Variants in LRMDA observed in about 807,000 individuals in gnomAD.
LRMDA encodes leucine-rich melanocyte differentiation-associated protein.
Under a neutral mutation model 29.8 loss-of-function variants are expected in LRMDA, and 18 were observed. The observed-to-expected ratio is 0.60, with a 90% CI of 0.42 to 0.90. The LOEUF (loss-of-function observed/expected upper bound fraction) is 0.90. LRMDA is among the 40% of genes least tolerant of loss of function. LRMDA has a pLI of 0.00. For synonymous variants in LRMDA, 125 were observed against 109.4 expected (o/e 1.14, Z -0.89); for missense variants, 273 against 273.9 (o/e 1.00, Z 0.02).
At chr10:76,396,437 C>T (rs370928130) in intron 6 of LRMDA, 2 of 152,222 alleles carry the variant, frequency 1.3e-5, no homozygotes, top group Admixed American at 6.5e-5. Flanking sequence ...TAGCCACTCA[C>T]GTGCACTCTC....
chr10:75,505,352 C>T lies in LRMDA; in HGVS notation c.131+66858C>T, dbSNP rs147220015. On this transcript the variant is annotated intron_variant, in intron 2 of 6. Transcript: ENST00000611255. The stretch of plus-strand genomic sequence containing the variant: ...AGTATGTTCACATTCTAGATTTTTC[C>T]CTTCAAGGTCACCACCCAGAAGTTG... Among the ~76,000 whole-genome samples, 3 of 152,200 alleles carry T rather than the reference C, an allele frequency of 2.0e-5. No individual in the cohort carries two copies. In the East Asian group the frequency reaches 5.8e-4, roughly 29 times the overall value.
rs3802647 is a variant in LRMDA at position 76,458,410 on chromosome 10, G to C, written c.602-98799G>C. Among the ~76,000 whole-genome samples the C allele has an allele frequency of 5.8e-4, 88 of 152,294 alleles. 1 individual carries two copies. In the East Asian group the frequency reaches 0.017, roughly 29 times the overall value. On this transcript the variant is annotated intron_variant, in intron 6 of 6. Transcript: ENST00000611255. ...TTAGATGAATATAAAATGGCTTATTGATAGCTTACATGCAGGCAAGTTTAT... is the reference window on the plus strand; with the variant it reads ...TTAGATGAATATAAAATGGCTTATTCATAGCTTACATGCAGGCAAGTTTAT...
At chr10:75,505,692 T>G (rs76663500) in intron 2 of LRMDA, among the ~76,000 whole-genome samples, 2,469 of 152,208 alleles carry the variant, frequency 0.016, 26 homozygotes, top group Non-Finnish European at 0.027. Context: ...CTTTCATGTT[T>G]CCCTGACCAG....
intron 2 of LRMDA, among the ~76,000 whole-genome samples, chr10:75,945,309 T>C (rs1846458396): frequency 6.6e-6 from 1 of 152,230 alleles, no homozygotes; most frequent in South Asian, 2.1e-4. Flanking sequence ...TCCCAGCATA[T>C]GTGCAGTTTA....
chr10:75,688,317 A>G (rs1041525963), intron 2 of LRMDA, among the ~76,000 whole-genome samples: 3 of 152,344 alleles, frequency 2.0e-5, no homozygotes, highest in South Asian at 2.1e-4. Flanking sequence ...TAAAATACCA[A>G]CATTAGCAGG....
At chr10:75,820,933 CAT>C (rs1844146429) in intron 2 of LRMDA, among the ~76,000 whole-genome samples, 1 of 152,100 alleles carries the variant, frequency 6.6e-6, no homozygotes, top group African/African-American at 2.4e-5. Flanking sequence ...TTACTGAAAA[CAT>C]ACAACCTCCC....
At chr10:76,051,511 C>G (rs1367984507) in intron 4 of LRMDA, among the ~76,000 whole-genome samples, 1 of 152,196 alleles carries the variant, frequency 6.6e-6, no homozygotes, top group East Asian at 1.9e-4. Flanking sequence ...GCAGTTATTC[C>G]ACTCACACTG....
chr10:75,781,973 A>G (rs1276247064), intron 2 of LRMDA, among the ~76,000 whole-genome samples: 1 of 152,136 alleles, frequency 6.6e-6, no homozygotes, highest in Non-Finnish European at 1.5e-5. Context: ...TGTCTTGGCT[A>G]TCTCCTGCCT....
At chr10:76,496,305 G>C (rs1842879266) in intron 6 of LRMDA, among the ~76,000 whole-genome samples, 1 of 75,648 alleles carries the variant, frequency 1.3e-5, no homozygotes, top group East Asian at 2.5e-4. Flanking sequence ...AGACTTGCAG[G>C]TAACTCTCTG....
chr10:75,765,811 T>A (rs555037566), intron 2 of LRMDA, among the ~76,000 whole-genome samples: 34 of 142,724 alleles, frequency 2.4e-4, no homozygotes, highest in African/African-American at 8.7e-4. Context: ...TTGTTCAGGA[T>A]TTCTCCCTCT....
At chr10:76,475,311 C>T (rs191119769) in intron 6 of LRMDA, among the ~76,000 whole-genome samples, 101 of 151,798 alleles carry the variant, frequency 6.7e-4, no homozygotes, top group African/African-American at 2.2e-3. Flanking sequence ...TATATTTTAA[C>T]GTAGTAAATT....
intron 5 of LRMDA, among the ~76,000 whole-genome samples, chr10:76,146,574 C>T (rs944911819): frequency 2.0e-5 from 3 of 152,062 alleles, no homozygotes; most frequent in African/African-American, 7.3e-5. Context: ...TTATTTTGAG[C>T]CTATATGTCT....
chr10:76,312,917 A>C (rs1840647179), intron 5 of LRMDA, among the ~76,000 whole-genome samples: 1 of 152,096 alleles, frequency 6.6e-6, no homozygotes, highest in South Asian at 2.1e-4. Context: ...AGAAACTTAA[A>C]GTCCAGTTGA....
intron 5 of LRMDA, among the ~76,000 whole-genome samples, chr10:76,263,898 A>G (rs1017487901): frequency 6.6e-6 from 1 of 152,176 alleles, no homozygotes; most frequent in Non-Finnish European, 1.5e-5. Flanking sequence ...AGCTCTATTC[A>G]ACCATCTAAA....
intron 6 of LRMDA, among the ~76,000 whole-genome samples, chr10:76,378,585 A>G (rs985515896): frequency 6.6e-6 from 1 of 152,066 alleles, no homozygotes; most frequent in Non-Finnish European, 1.5e-5. Context: ...GGTTTTAATC[A>G]TGAAGAGATG....
chr10:76,101,626 C>T (rs1849395904), intron 5 of LRMDA, among the ~76,000 whole-genome samples: 1 of 152,030 alleles, frequency 6.6e-6, no homozygotes, highest in African/African-American at 2.4e-5. Flanking sequence ...ATCCCAGCTA[C>T]TTGGGAGGCT....
chr10:75,720,302 GC>G (rs1253987685), intron 2 of LRMDA, among the ~76,000 whole-genome samples: 1 of 152,186 alleles, frequency 6.6e-6, no homozygotes, highest in Non-Finnish European at 1.5e-5. Context: ...GAACACACGG[GC>G]AGGAGACTGA....
At chr10:75,739,928 A>G (rs1266231530) in intron 2 of LRMDA, among the ~76,000 whole-genome samples, 1 of 152,206 alleles carries the variant, frequency 6.6e-6, no homozygotes, top group Admixed American at 6.5e-5. Flanking sequence ...GCATGTTGCA[A>G]GTTTTATAAC....
intron 6 of LRMDA, among the ~76,000 whole-genome samples, chr10:76,345,234 T>A (rs1413774576): frequency 6.9e-6 from 1 of 145,414 alleles, no homozygotes; most frequent in Non-Finnish European, 1.5e-5. Context: ...GCCCGGCTAA[T>A]TTTTTGTATT....
Sources: allele counts gnomAD v4.1 joint callset (sites outside exome capture counted in the v4.1 genomes callset), GRCh38; gene constraint gnomAD v4.1.1; transcripts MANE v1.5; gene names NCBI Gene and HGNC (gene_info 2026-07-23, HGNC 2026-07-21).